The following SKP2 variants were observed in gnomAD, a reference collection of about 807,000 sequenced individuals.
SKP2 encodes the protein S-phase kinase associated protein 2.
In SKP2, 16 loss-of-function variants were observed where a neutral mutation model predicts 51.8. The observed-to-expected ratio is 0.31, with a 90% confidence interval of 0.21 to 0.47. SKP2 has a LOEUF of 0.47. Among genes scored for constraint, SKP2 ranks in the 20% least tolerant of loss-of-function variants. The probability of loss-of-function intolerance (pLI) is 1.00; values close to 1 mark genes in which losing one functional copy is unlikely to be tolerated. For missense variants in SKP2, 377 were observed against 505.3 expected (o/e 0.75, Z 2.43); for synonymous variants, 176 against 198.6 (o/e 0.89, Z 0.96).
Position 36,184,089 on chromosome 5 carries a change from A to C in SKP2, c.*2058A>C. 1.3e-6 allele frequency: 1 copy of C among 786,972 alleles called. No homozygotes were observed. Among genetic ancestry groups the C allele is most frequent in the Admixed American group, 3.0e-5 (1 of 33,664 alleles). 48.7% of individuals were successfully genotyped at this position (786,972 alleles called of 1,614,324 possible). ...TTCTCTTTTTTTAAGTGCTGTGGTT[A>C]AAATTTGAAAGCATTTAGTGTGGTA... is the stretch of plus-strand genomic sequence containing the variant. On this transcript the variant is annotated 3_prime_UTR_variant, in exon 10 of 10. Coordinates refer to ENST00000274255, the MANE Select transcript of SKP2 (RefSeq NM_005983.4).
At position 36,152,156 on chromosome 5, in the gene SKP2, G is replaced by T; in HGVS notation, c.-107G>T. 1.7e-6 allele frequency: 2 copies of T among 1,178,442 alleles called. No homozygotes were observed. The highest frequency in any genetic ancestry group is 1.2e-5 in the South Asian group (1 of 81,734). 73.0% of individuals were successfully genotyped at this position (1,178,442 alleles called of 1,614,324 possible). A position where few individuals can be genotyped will look rare whatever the true frequency, so the allele number is the denominator to read the frequency against. ...AGGCTTAGCGGGTCTGGCTGCTGGG[G>T]GCCCGAGCAGCACGCTCGGAGCCGC... On this transcript the variant is annotated 5_prime_UTR_variant, in exon 1 of 10. Transcript: ENST00000274255.
At chr5:36,162,878 A>T (rs1745167111) in intron 2 of SKP2, among the ~76,000 whole-genome samples, 1 of 152,210 alleles carries the variant, frequency 6.6e-6, no homozygotes, top group Admixed American at 6.5e-5. Flanking sequence ...AAGGGGAAGC[A>T]AACGTCCTTC....
In SKP2 at chr5:36,166,666, A is replaced by G. The variant is rs1029779202; in HGVS notation, c.536+4A>G. The G allele has an allele frequency of 6.2e-7, 1 of 1,613,012 alleles. No homozygotes were observed. Among genetic ancestry groups the G allele is most frequent in the African/African-American group, 1.3e-5 (1 of 74,860 alleles). On this transcript the variant is annotated splice_donor_region_variant and intron_variant, in intron 4 of 9. Coordinates refer to ENST00000274255, the MANE Select transcript of SKP2 (RefSeq NM_005983.4). ...AACCATTGGCTGAACATTTCAGGTA[A>G]AGATGAAAAATCCCTGGAAAAGACT...
chr5:36,154,077 A>G (rs1172864669), intron 2 of SKP2, among the ~76,000 whole-genome samples: 1 of 152,204 alleles, frequency 6.6e-6, no homozygotes, highest in East Asian at 1.9e-4. Flanking sequence ...TACAATAAAC[A>G]CAATAACTAT....
At chr5:36,155,626 A>C (rs1021403090) in intron 2 of SKP2, among the ~76,000 whole-genome samples, 1 of 152,068 alleles carries the variant, frequency 6.6e-6, no homozygotes, top group Admixed American at 6.6e-5. Flanking sequence ...GTTAGTATAA[A>C]ATTTTTTTTC....
At chr5:36,189,214 T>G (rs1445235627), downstream of SKP2, among the ~76,000 whole-genome samples, 2 of 152,238 alleles carry the variant, frequency 1.3e-5, no homozygotes, top group Non-Finnish European at 2.9e-5. Flanking sequence ...TGAAGCCTTC[T>G]TCTCTCAACT....
At chr5:36,163,388 T>A (rs895782589) in intron 2 of SKP2, among the ~76,000 whole-genome samples, 7 of 152,096 alleles carry the variant, frequency 4.6e-5, no homozygotes, top group Non-Finnish European at 1.5e-5. Flanking sequence ...GCTGAGAGAG[T>A]GTGGTGGTCA....
intron 2 of SKP2, among the ~76,000 whole-genome samples, chr5:36,154,567 C>T (rs1355129895): frequency 1.3e-5 from 2 of 152,168 alleles, no homozygotes; most frequent in South Asian, 4.1e-4. Flanking sequence ...CGGAGTCTTG[C>T]TCTGTTGCCC....
At chr5:36,167,871 G>C (rs1295624604) in intron 4 of SKP2, among the ~76,000 whole-genome samples, 1 of 152,158 alleles carries the variant, frequency 6.6e-6, no homozygotes, top group Non-Finnish European at 1.5e-5. Context: ...ACTGGACTCA[G>C]CCTTTCAAAG....
At position 36,170,278 on chromosome 5, in the gene SKP2, T is replaced by A. The variant is rs1288875435; in HGVS notation, c.672-66T>A. ...GCTTAACTACACTCGCCTGCTTTCA[T>A]CTAAATGTTGTTGATGAATAGTGTC... On this transcript the variant is annotated intron_variant, in intron 5 of 9. Coordinates refer to ENST00000274255, the MANE Select transcript of SKP2 (RefSeq NM_005983.4). The A allele has an allele frequency of 1.2e-5, 11 of 927,222 alleles. No individual in the cohort carries two copies. The East Asian group carries it at 2.7e-4, about 23-fold the overall frequency. The allele number at this position is 927,222 out of a possible 1,614,324, so 57.4% of individuals were successfully genotyped here.
chr5:36,174,007 A>C (rs1408438542), intron 7 of SKP2, among the ~76,000 whole-genome samples: 1 of 152,106 alleles, frequency 6.6e-6, no homozygotes, highest in Non-Finnish European at 1.5e-5. Flanking sequence ...TACAGGAAAG[A>C]ATAAATGAGT....
At chr5:36,165,599 A>C (rs1436729090) in intron 3 of SKP2, among the ~76,000 whole-genome samples, 1 of 152,198 alleles carries the variant, frequency 6.6e-6, no homozygotes. Flanking sequence ...CCACTCTCTT[A>C]AGGATATCTT....
downstream of SKP2, among the ~76,000 whole-genome samples, chr5:36,186,190 A>G (rs1329049489): frequency 6.6e-6 from 1 of 152,208 alleles, no homozygotes; most frequent in Non-Finnish European, 1.5e-5. Flanking sequence ...CAATCATGTC[A>G]TCTGCAAACA....
chr5:36,152,230 C>T lies in SKP2; in HGVS notation c.-33C>T, dbSNP rs1744751438. 1 of 1,612,838 alleles carries T rather than the reference C, an allele frequency of 6.2e-7. No homozygotes were observed. The highest frequency in any genetic ancestry group is 8.5e-7 in the Non-Finnish European group (1 of 1,178,842). On this transcript the variant is annotated 5_prime_UTR_variant, in exon 1 of 10. Transcript: ENST00000274255. The stretch of plus-strand genomic sequence containing the variant: ...GAGGCGAGCAGCTCTGCAGTTAATG[C>T]ACGTATTTTAAACTCCCGGGCCTGC...
chr5:36,155,627 A>T (rs968335101), intron 2 of SKP2, among the ~76,000 whole-genome samples: 32 of 152,104 alleles, frequency 2.1e-4, no homozygotes, highest in Admixed American at 2.0e-3. Flanking sequence ...TTAGTATAAA[A>T]TTTTTTTTCT....
chr5:36,152,248 G>A lies in SKP2; in HGVS notation c.-15G>A. The A allele has an allele frequency of 3.1e-6, 5 of 1,613,836 alleles. No homozygotes were observed. The highest frequency in any genetic ancestry group is 3.4e-6 in the Non-Finnish European group (4 of 1,179,736). ...GTTAATGCACGTATTTTAAACTCCC[G>A]GGCCTGCGGACGCTATGCACAGGTA... On this transcript the variant is annotated 5_prime_UTR_variant, in exon 1 of 10. Coordinates refer to ENST00000274255, the MANE Select transcript of SKP2 (RefSeq NM_005983.4).
downstream of SKP2, among the ~76,000 whole-genome samples, chr5:36,187,931 C>CAT (rs1451029213): frequency 6.6e-6 from 1 of 150,472 alleles, no homozygotes; most frequent in African/African-American, 2.4e-5. Context: ...GTATTGGGTG[C>CAT]ATATATATTT....
rs1389466407 is a variant in SKP2, at chr5:36,182,038, T to C, written c.*7T>C. 2.5e-6 allele frequency: 4 copies of C among 1,613,562 alleles called. No homozygotes were observed. The highest frequency in any genetic ancestry group is 3.3e-4 in the Middle Eastern group (2 of 6,060). ...AAAGCCCAGTTGTCTATGAAGTATT[T>C]ATTGCAGGATGGTGTCTCTTCTTTA... is the stretch of plus-strand genomic sequence containing the variant. On this transcript the variant is annotated 3_prime_UTR_variant, in exon 10 of 10. Coordinates refer to ENST00000274255, the MANE Select transcript of SKP2 (RefSeq NM_005983.4).
At position 36,152,277 on chromosome 5, in the gene SKP2, G is replaced by T; in HGVS notation, c.8+7G>T. On this transcript the variant is annotated splice_region_variant and intron_variant, in intron 1 of 9. Coordinates refer to ENST00000274255, the MANE Select transcript of SKP2 (RefSeq NM_005983.4). Reference sequence around the variant, plus strand: ...CTGCGGACGCTATGCACAGGTAAACGGATTGCAAAAAGGGGAAGAGCATGA... The same window carrying T: ...CTGCGGACGCTATGCACAGGTAAACTGATTGCAAAAAGGGGAAGAGCATGA... 6.2e-7 allele frequency: 1 copy of T among 1,613,272 alleles called. No homozygotes were observed. Among genetic ancestry groups the T allele is most frequent in the Non-Finnish European group, 8.5e-7 (1 of 1,179,294 alleles).
Sources: gnomAD v4.1 joint callset for allele counts (sites outside exome capture counted in the v4.1 genomes callset) on GRCh38, gnomAD v4.1.1 for gene constraint, MANE v1.5 for transcripts, NCBI Gene and HGNC (gene_info 2026-07-23, HGNC 2026-07-21) for gene names.